The following FRMD6 variants were observed in gnomAD, a reference collection of about 807,000 sequenced individuals.
FRMD6 encodes FERM domain containing 6.
Under a neutral mutation model 73.2 loss-of-function variants are expected in FRMD6, and 37 were observed. The ratio of observed to expected loss-of-function variants is 0.51; its 90% CI spans 0.39 to 0.66. FRMD6 has a LOEUF of 0.66. FRMD6 is among the 30% of genes least tolerant of loss of function. The probability of loss-of-function intolerance (pLI) is 0.00; values close to 1 mark genes in which losing one functional copy is unlikely to be tolerated. For missense variants in FRMD6, 714 were observed against 780.5 expected (o/e 0.91, Z 1.02); for synonymous variants, 273 against 282.2 (o/e 0.97, Z 0.33).
chr14:51,486,803 C>G (rs958562021), upstream of FRMD6, among the ~76,000 whole-genome samples: 1 of 152,144 alleles, frequency 6.6e-6, no homozygotes, highest in African/African-American at 2.4e-5. Context: ...TTGTCATATC[C>G]CTAACGATCT....
In FRMD6 at chr14:51,727,665, G is replaced by A. The variant is rs1898051601; in HGVS notation, c.1585-80G>A. 6 of 1,370,308 alleles carry A rather than the reference G, an allele frequency of 4.4e-6. No individual in the cohort carries two copies. In the South Asian group the frequency reaches 6.9e-5, roughly 16 times the overall value. The allele number at this position is 1,370,308 out of a possible 1,614,324, so 84.9% of individuals were successfully genotyped here. ...TGTAAGGATTACTTAACCTTTTGTG[G>A]TTCTGTAGCATCTCTCTTTACAAGG... On this transcript the variant is annotated intron_variant, in intron 13 of 13. Transcript: ENST00000344768.
intron 1 of FRMD6, among the ~76,000 whole-genome samples, chr14:51,679,514 T>A (rs1894647832): frequency 6.6e-6 from 1 of 150,686 alleles, no homozygotes; most frequent in Admixed American, 6.6e-5. Flanking sequence ...GCTTAATGTT[T>A]GGAAAGATTG....
chr14:51,434,463 A>C, the FRMD6 span, among the ~76,000 whole-genome samples: 1 of 152,150 alleles, frequency 6.6e-6, no homozygotes, highest in Admixed American at 6.5e-5. Flanking sequence ...AGAATGTAAG[A>C]AACTTGAAGG....
intron 2 of FRMD6, among the ~76,000 whole-genome samples, chr14:51,588,567 G>A (rs185823997): frequency 1.0e-3 from 153 of 152,146 alleles, no homozygotes; most frequent in African/African-American, 3.6e-3. Context: ...ACCCAAACAG[G>A]GGACATGGTT....
At chr14:51,516,520 G>A (rs984154420) in intron 1 of FRMD6, among the ~76,000 whole-genome samples, 2 of 152,154 alleles carry the variant, frequency 1.3e-5, no homozygotes, top group Non-Finnish European at 2.9e-5. Flanking sequence ...ATATGTGTGT[G>A]CACATGTGTG....
chr14:51,488,070 G>T (rs955530736), upstream of FRMD6, among the ~76,000 whole-genome samples: 47 of 152,202 alleles, frequency 3.1e-4, no homozygotes, highest in Non-Finnish European at 6.5e-4. Flanking sequence ...TCTTCAGGCA[G>T]TTCCTCTTTC....
At chr14:51,450,236 G>T in the FRMD6 span, among the ~76,000 whole-genome samples, 1 of 152,160 alleles carries the variant, frequency 6.6e-6, no homozygotes, top group African/African-American at 2.4e-5. Flanking sequence ...TTCTCTTAGA[G>T]CTCTTCAGGG....
intron 1 of FRMD6, among the ~76,000 whole-genome samples, chr14:51,550,645 G>A (rs4898696): frequency 0.82 from 124,957 of 151,502 alleles, 51,780 homozygotes; most frequent in African/African-American, 0.89. Flanking sequence ...CAGAGGCAGA[G>A]GAAGGGCGGG....
At chr14:51,585,939 G>GTGTGTGTATATATATATATA in intron 2 of FRMD6, among the ~76,000 whole-genome samples, 12 of 31,416 alleles carry the variant, frequency 3.8e-4, no homozygotes, top group African/African-American at 7.5e-4. Flanking sequence ...GTGTGTGTGT[G>GTGTGTGTATATATATATATA]TATATATATA....
chr14:51,476,006 G>C, the FRMD6 span, among the ~76,000 whole-genome samples: 1 of 152,082 alleles, frequency 6.6e-6, no homozygotes, highest in South Asian at 2.1e-4. Flanking sequence ...ATTTGCCCCC[G>C]GCTATTTTAG....
At chr14:51,509,319 C>T (rs1040271155) in intron 1 of FRMD6, among the ~76,000 whole-genome samples, 4 of 151,990 alleles carry the variant, frequency 2.6e-5, no homozygotes, top group African/African-American at 9.7e-5. Context: ...GTCAGGTGAT[C>T]GAGACCATCC....
chr14:51,721,871 A>G (rs1897637539), intron 11 of FRMD6, 78 bp from the exon 12 acceptor site: 1 of 1,523,444 alleles, frequency 6.6e-7, no homozygotes, highest in South Asian at 1.2e-5. Context: ...TTACATAGCC[A>G]CCCTCAAAAT....
At chr14:51,473,117 G>T in the FRMD6 span, among the ~76,000 whole-genome samples, 2 of 152,162 alleles carry the variant, frequency 1.3e-5, no homozygotes, top group South Asian at 4.1e-4. Flanking sequence ...CTGAGCTTCT[G>T]CCCCTGCCGG....
At chr14:51,397,994 T>A in the FRMD6 span, among the ~76,000 whole-genome samples, 91 of 152,294 alleles carry the variant, frequency 6.0e-4, no homozygotes, top group Non-Finnish European at 1.1e-3. Context: ...GGTATTCAAC[T>A]TGAATTTAAA....
chr14:51,729,336 C>T lies in FRMD6; in HGVS notation c.*1307C>T, dbSNP rs1898144069. 1 of 152,514 alleles carries T rather than the reference C, an allele frequency of 6.6e-6. No individual in the cohort carries two copies. Among genetic ancestry groups the T allele is most frequent in the African/African-American group, 2.4e-5 (1 of 41,408 alleles). The allele number at this position is 152,514 out of a possible 1,614,324, so 9.4% of individuals were successfully genotyped here. On this transcript the variant is annotated 3_prime_UTR_variant, in exon 14 of 14. Coordinates refer to ENST00000344768, the MANE Select transcript of FRMD6 (RefSeq NM_001267046.2). The stretch of plus-strand genomic sequence containing the variant: ...TTGTTAATTTTGAAGTAAAAGTGTA[C>T]AGAAGACGTAGTGTATGAGAAAGGG...
the FRMD6 span, among the ~76,000 whole-genome samples, chr14:51,470,372 C>T: frequency 6.6e-6 from 1 of 152,062 alleles, no homozygotes; most frequent in Non-Finnish European, 1.5e-5. Context: ...CAAAAATTAG[C>T]TGGCGCAGTG....
At chr14:51,727,710 C>T (rs754330972) in intron 13 of FRMD6, 35 bp from the exon 14 acceptor site, 1 of 1,563,464 alleles carries the variant, frequency 6.4e-7, no homozygotes, top group South Asian at 1.2e-5. Context: ...TAACCTTTCA[C>T]TTTAAAGTTG....
chr14:51,467,865 C>G, the FRMD6 span, among the ~76,000 whole-genome samples: 2 of 151,952 alleles, frequency 1.3e-5, no homozygotes, highest in African/African-American at 2.4e-5. Flanking sequence ...TGGGCAGAGA[C>G]GCTCCTCACT....
intron 5 of FRMD6, among the ~76,000 whole-genome samples, chr14:51,703,169 C>G (rs1258848500): frequency 6.6e-6 from 1 of 151,992 alleles, no homozygotes; most frequent in Non-Finnish European, 1.5e-5. Context: ...GTAATTGATT[C>G]TTTTTCTGGA....
Sources: gnomAD v4.1 joint callset for allele counts (sites outside exome capture counted in the v4.1 genomes callset) on GRCh38, gnomAD v4.1.1 for gene constraint, MANE v1.5 for transcripts, NCBI Gene and HGNC (gene_info 2026-07-23, HGNC 2026-07-21) for gene names.